The following RAB22A variants were observed in gnomAD, a reference collection of about 807,000 sequenced individuals.
RAB22A encodes the protein ras-related protein Rab-22A.
Under a neutral mutation model 30.2 loss-of-function variants are expected in RAB22A, and 13 were observed. The observed-to-expected ratio is 0.43, with a 90% CI of 0.28 to 0.68. The LOEUF (loss-of-function observed/expected upper bound fraction) is 0.68, where lower values mean the gene tolerates loss of function less well. RAB22A is among the 30% of genes least tolerant of loss of function. The probability of loss-of-function intolerance (pLI) is 0.18; values close to 1 mark genes in which losing one functional copy is unlikely to be tolerated. For synonymous variants in RAB22A, 89 were observed against 87.2 expected, an observed-to-expected ratio of 1.02 and a Z score of -0.11; for missense variants, 177 against 246.8, an observed-to-expected ratio of 0.72 and a Z score of 1.89.
chr20:58,346,754 G>T (rs568690762), intron 3 of RAB22A, among the ~76,000 whole-genome samples: 23 of 152,328 alleles, frequency 1.5e-4, no homozygotes, highest in African/African-American at 5.1e-4. Flanking sequence ...GGCCTAGCAT[G>T]GTGCCTGACC....
In RAB22A at chr20:58,357,801, CCA is replaced by C. The variant is rs541913324; in HGVS notation, c.488-1800_488-1799del. On this transcript the variant is annotated intron_variant, in intron 6 of 6. Coordinates refer to ENST00000244040, the MANE Select transcript of RAB22A (RefSeq NM_020673.3). ...ATGTAGAAACCATGCTGTGTACTCCCCACACAGATCCGCAGACAACTCAAAGT... is the reference window on the plus strand; with the variant it reads ...ATGTAGAAACCATGCTGTGTACTCCCCACAGATCCGCAGACAACTCAAAGT... 3.3e-5 allele frequency among the ~76,000 whole-genome samples: 5 copies of C among 152,278 alleles called. No individual in the cohort carries two copies. In the East Asian group the frequency reaches 9.6e-4, roughly 29 times the overall value.
At chr20:58,329,710 A>G (rs1986631205) in intron 2 of RAB22A, among the ~76,000 whole-genome samples, 1 of 152,184 alleles carries the variant, frequency 6.6e-6, no homozygotes, top group Admixed American at 6.5e-5. Flanking sequence ...CTCTTATGGG[A>G]TTCCAATTGT....
At position 58,314,635 on chromosome 20, in the gene RAB22A, G is replaced by GTTTGAGAC. The variant is rs535149718; in HGVS notation, c.116+3514_116+3521dup. Among the ~76,000 whole-genome samples, 66 of 152,084 alleles carry GTTTGAGAC rather than the reference G, an allele frequency of 4.3e-4. No individual in the cohort carries two copies. In the East Asian group the frequency reaches 0.01, roughly 24 times the overall value. On this transcript the variant is annotated intron_variant, in intron 2 of 6. Coordinates refer to ENST00000244040, the MANE Select transcript of RAB22A (RefSeq NM_020673.3). ...ACGGGTGGATCACCTGAGGTCAGGA[G>GTTTGAGAC]TTTGAGACCAGCCTGGGCAACATGG...
chr20:58,312,690 A>G (rs1986255250), intron 2 of RAB22A, among the ~76,000 whole-genome samples: 2 of 151,174 alleles, frequency 1.3e-5, no homozygotes. Flanking sequence ...ACGGGGTTTC[A>G]TGTATTAGCC....
chr20:58,311,158 C>T, intron 2 of RAB22A, 36 bp downstream of exon 2: 1 of 1,511,620 alleles, frequency 6.6e-7, no homozygotes, highest in Non-Finnish European at 9.2e-7. Context: ...TCTAAAGGTG[C>T]ATTGAAAATC....
chr20:58,325,319 A>T (rs1295073635), intron 2 of RAB22A, among the ~76,000 whole-genome samples: 1 of 152,102 alleles, frequency 6.6e-6, no homozygotes, highest in Non-Finnish European at 1.5e-5. Flanking sequence ...TCTACCAAAA[A>T]TACAAAAATT....
chr20:58,335,870 G>A (rs1415657625), intron 2 of RAB22A, among the ~76,000 whole-genome samples: 1 of 152,148 alleles, frequency 6.6e-6, no homozygotes, highest in African/African-American at 2.4e-5. Flanking sequence ...TTCCCTCACC[G>A]CAGTTGATAC....
At chr20:58,320,826 C>A (rs566260962) in intron 2 of RAB22A, among the ~76,000 whole-genome samples, 2 of 152,144 alleles carry the variant, frequency 1.3e-5, no homozygotes, top group African/African-American at 4.8e-5. Context: ...GAGGCCAAAG[C>A]GGGTGGATCA....
intron 2 of RAB22A, among the ~76,000 whole-genome samples, chr20:58,335,246 TA>T (rs1469645952): frequency 6.6e-6 from 1 of 152,226 alleles, no homozygotes; most frequent in Non-Finnish European, 1.5e-5. Flanking sequence ...ACACTCTTAG[TA>T]TGCTGTTATG....
rs1430785364 is a variant in RAB22A, at chr20:58,365,919, T to C, written c.*6216T>C. The C allele has an allele frequency of 6.6e-6, 1 of 152,328 alleles. No individual in the cohort carries two copies. The highest frequency in any genetic ancestry group is 1.5e-5 in the Non-Finnish European group (1 of 68,146). The allele number at this position is 152,328 out of a possible 1,614,324, so 9.4% of individuals were successfully genotyped here. A position where few individuals can be genotyped will look rare whatever the true frequency, so the allele number is the denominator to read the frequency against. On this transcript the variant is annotated 3_prime_UTR_variant, in exon 7 of 7. Coordinates refer to ENST00000244040, the MANE Select transcript of RAB22A (RefSeq NM_020673.3). Reference sequence around the variant, plus strand: ...ACCTCACGATCCGCCCGCCTCGGCCTCCCAAAGTGCTGGGATTACAGGCGT... The same window carrying C: ...ACCTCACGATCCGCCCGCCTCGGCCCCCCAAAGTGCTGGGATTACAGGCGT...
At chr20:58,318,556 T>C (rs1237071244) in intron 2 of RAB22A, among the ~76,000 whole-genome samples, 1 of 152,136 alleles carries the variant, frequency 6.6e-6, no homozygotes, top group Non-Finnish European at 1.5e-5. Context: ...AACCCTTCTT[T>C]TTTTTTTTCC....
chr20:58,309,962 C>T lies in RAB22A; in HGVS notation c.-15C>T, dbSNP rs1381386707. ...CTTAGGGCGGCGGCGGGCCCGCGCC[C>T]CTGGCTCCCGGGCCATGGCGCTGAG... On this transcript the variant is annotated 5_prime_UTR_variant, in exon 1 of 7. Transcript: ENST00000244040. 16 of 1,264,434 alleles carry T rather than the reference C, an allele frequency of 1.3e-5. No individual in the cohort carries two copies. Among genetic ancestry groups the T allele is most frequent in the African/African-American group, 9.3e-5 (6 of 64,592 alleles). The allele number at this position is 1,264,434 out of a possible 1,614,324, so 78.3% of individuals were successfully genotyped here.
rs150935436 is a variant in RAB22A at position 58,348,723 on chromosome 20, C to T, written c.199-4550C>T. ...CAGGGACGTCCAGTCTTTTGGCTTC[C>T]CTGGGCCACATTGGAAGAAGAATTG... is the stretch of plus-strand genomic sequence containing the variant. On this transcript the variant is annotated intron_variant, in intron 3 of 6. Coordinates refer to ENST00000244040, the MANE Select transcript of RAB22A (RefSeq NM_020673.3). Among the ~76,000 whole-genome samples the T allele has an allele frequency of 5.4e-3, 818 of 152,196 alleles. 1 individual carries two copies. Among genetic ancestry groups the T allele is most frequent in the Non-Finnish European group, 8.8e-3 (598 of 68,016 alleles).
chr20:58,309,938 T>C lies in RAB22A; in HGVS notation c.-39T>C, dbSNP rs1244273155. 3.2e-6 allele frequency: 4 copies of C among 1,260,878 alleles called. No homozygotes were observed. The South Asian group carries it at 1.4e-4, about 44-fold the overall frequency. The allele number at this position is 1,260,878 out of a possible 1,614,324, so 78.1% of individuals were successfully genotyped here. A position where few individuals can be genotyped will look rare whatever the true frequency, so the allele number is the denominator to read the frequency against. On this transcript the variant is annotated 5_prime_UTR_variant, in exon 1 of 7. Transcript: ENST00000244040. The stretch of plus-strand genomic sequence containing the variant: ...TGGGCCTGGCCTCTCCCTTCTCAAC[T>C]TAGGGCGGCGGCGGGCCCGCGCCCC...
At chr20:58,319,460 A>T (rs1277985871) in intron 2 of RAB22A, among the ~76,000 whole-genome samples, 1 of 152,146 alleles carries the variant, frequency 6.6e-6, no homozygotes, top group Non-Finnish European at 1.5e-5. Flanking sequence ...ATTGCTGTAG[A>T]TGTATAGAAA....
intron 6 of RAB22A, among the ~76,000 whole-genome samples, chr20:58,355,207 C>T (rs149674704): frequency 7.2e-5 from 11 of 152,146 alleles, no homozygotes; most frequent in South Asian, 6.2e-4. Flanking sequence ...GCCATTGTGT[C>T]GAGGAGGGGC....
At chr20:58,351,137 G>T (rs1027097898) in intron 3 of RAB22A, among the ~76,000 whole-genome samples, 3 of 151,990 alleles carry the variant, frequency 2.0e-5, no homozygotes, top group African/African-American at 7.2e-5. Context: ...AGGAGTTCAA[G>T]ATCAGCCTGT....
rs183987862 is a variant in RAB22A, at chr20:58,319,178, A to C, written c.116+8056A>C. 8.1e-4 allele frequency among the ~76,000 whole-genome samples: 123 copies of C among 152,358 alleles called. 1 individual carries two copies. Among genetic ancestry groups the C allele is most frequent in the African/African-American group, 2.9e-3 (120 of 41,588 alleles). Reference sequence around the variant, plus strand: ...AAGATTCTTGACCCTTACCTCACAAAGTAAACGAGTAGAAACAGATCACAG... The same window carrying C: ...AAGATTCTTGACCCTTACCTCACAACGTAAACGAGTAGAAACAGATCACAG... On this transcript the variant is annotated intron_variant, in intron 2 of 6. Coordinates refer to ENST00000244040, the MANE Select transcript of RAB22A (RefSeq NM_020673.3).
intron 6 of RAB22A, among the ~76,000 whole-genome samples, chr20:58,354,709 A>G (rs1421775124): frequency 6.6e-6 from 1 of 152,220 alleles, no homozygotes; most frequent in Admixed American, 6.5e-5. Context: ...AGAAGTGTTA[A>G]TATGATGATA....
Sources: allele counts gnomAD v4.1 joint callset (sites outside exome capture counted in the v4.1 genomes callset), GRCh38; gene constraint gnomAD v4.1.1; transcripts MANE v1.5; gene names NCBI Gene and HGNC (gene_info 2026-07-23, HGNC 2026-07-21).